Variants in EFHC2 observed in about 807,000 individuals in gnomAD.
EFHC2 encodes the protein EF-hand domain containing 2, also known as EF-hand domain-containing family member C2.
A neutral mutation model predicts 52.7 loss-of-function variants in EFHC2; 18 were observed. The observed-to-expected ratio is 0.34, with a 90% CI of 0.24 to 0.51. The LOEUF is 0.51. Among genes scored for constraint, EFHC2 ranks in the 20% least tolerant of loss-of-function variants. The pLI is 0.97. For synonymous variants in EFHC2, 203 were observed against 204.1 expected (o/e 0.99, Z 0.04); for missense variants, 513 against 562.5 (o/e 0.91, Z 0.89).
intron 11 of EFHC2, among the ~76,000 whole-genome samples, chrX:44,183,675 T>C (rs2036852467): frequency 8.9e-6 from 1 of 112,053 alleles, no homozygotes; most frequent in African/African-American, 3.2e-5. Context: ...GATGGCCACT[T>C]CACTTTGGCT....
In EFHC2 at chrX:44,343,553, G is replaced by A; in HGVS notation, c.36C>T (p.Asn12=). The A allele has an allele frequency of 8.4e-7, 1 of 1,196,290 alleles. No individual in the cohort carries two copies. The highest frequency in any genetic ancestry group is 1.1e-6 in the Non-Finnish European group (1 of 887,821). ...GGACGCCCTTCCTACTCACGTTGCGGTTGAAGCTGTTGCCCGGCAGCAGAG... is the reference window on the plus strand; with the variant it reads ...GGACGCCCTTCCTACTCACGTTGCGATTGAAGCTGTTGCCCGGCAGCAGAG... ...ALPLLPGNSF[N]RNVGKEKFHK... The change falls in exon 1 of 15, where the codon AAC becomes AAT. Residue 12 remains asparagine, a synonymous_variant. Transcript: ENST00000420999.
chrX:44,160,254 T>C (rs773509472), intron 14 of EFHC2, among the ~76,000 whole-genome samples: 92 of 111,306 alleles, frequency 8.3e-4, no homozygotes, highest in Middle Eastern at 4.6e-3. Flanking sequence ...CTAGTGTGGA[T>C]GGTGATCTTT....
chrX:44,301,858 C>A (rs1448998561), intron 2 of EFHC2, among the ~76,000 whole-genome samples: 1 of 111,765 alleles, frequency 8.9e-6, no homozygotes, highest in Non-Finnish European at 1.9e-5. Context: ...CATTAGGTTT[C>A]TTTATTGTTG....
intron 2 of EFHC2, among the ~76,000 whole-genome samples, chrX:44,279,548 T>A (rs773026899): frequency 4.5e-5 from 5 of 111,311 alleles, no homozygotes; most frequent in Non-Finnish European, 7.5e-5. Context: ...ATACAGTGCA[T>A]GACAGAGATG....
intron 11 of EFHC2, among the ~76,000 whole-genome samples, chrX:44,181,773 C>T (rs1048288763): frequency 8.9e-6 from 1 of 112,714 alleles, no homozygotes; most frequent in Non-Finnish European, 1.9e-5. Context: ...CGAGGGATCT[C>T]AATCAGGATG....
At chrX:44,176,429 C>T in intron 12 of EFHC2, 45 bp from the exon 13 acceptor site, 1 of 889,739 alleles carries the variant, frequency 1.1e-6, no homozygotes. Context: ...CCTTGTATAC[C>T]TTTAGTAATA....
chrX:44,274,337 A>C (rs1451573601), intron 2 of EFHC2, among the ~76,000 whole-genome samples: 1 of 112,101 alleles, frequency 8.9e-6, no homozygotes, highest in Non-Finnish European at 1.9e-5. Context: ...GAATGCTGTC[A>C]CATTTGTATT....
intron 10 of EFHC2, among the ~76,000 whole-genome samples, chrX:44,231,834 C>T (rs941777608): frequency 4.5e-5 from 5 of 111,742 alleles, no homozygotes; most frequent in Non-Finnish European, 9.4e-5. Context: ...GTTTGTACAC[C>T]GAACTAGTCC....
At chrX:44,183,276 T>C (rs1244289292) in intron 11 of EFHC2, among the ~76,000 whole-genome samples, 2 of 111,916 alleles carry the variant, frequency 1.8e-5, no homozygotes, top group Non-Finnish European at 3.8e-5. Flanking sequence ...ACTTTCAATT[T>C]GATATTCATC....
At chrX:44,313,232 T>C (rs1169351693) in intron 1 of EFHC2, among the ~76,000 whole-genome samples, 1 of 112,187 alleles carries the variant, frequency 8.9e-6, no homozygotes, top group Admixed American at 9.5e-5. Flanking sequence ...CTCATTAAAG[T>C]AAATGTAACA....
chrX:44,341,156 G>A (rs1471506182), intron 1 of EFHC2, among the ~76,000 whole-genome samples: 5 of 111,910 alleles, frequency 4.5e-5, no homozygotes, highest in Middle Eastern at 4.6e-3. Context: ...AGTCACAAAA[G>A]AATAAACACC....
chrX:44,223,553 A>G (rs1016354829), intron 11 of EFHC2, among the ~76,000 whole-genome samples: 3 of 110,453 alleles, frequency 2.7e-5, no homozygotes, highest in Non-Finnish European at 5.7e-5. Context: ...TTTTAAAACT[A>G]AGCCCTCACC....
intron 2 of EFHC2, among the ~76,000 whole-genome samples, chrX:44,307,414 T>C: frequency 9.0e-6 from 1 of 111,688 alleles, no homozygotes. Flanking sequence ...TAATCTGGAT[T>C]AACTTTAGGT....
At chrX:44,220,847 A>G (rs985430827) in intron 11 of EFHC2, among the ~76,000 whole-genome samples, 1 of 111,909 alleles carries the variant, frequency 8.9e-6, no homozygotes, top group Non-Finnish European at 1.9e-5. Context: ...TCAAATAAAA[A>G]ATTTCTACAA....
At chrX:44,213,444 T>C (rs1221253344) in intron 11 of EFHC2, among the ~76,000 whole-genome samples, 1 of 111,917 alleles carries the variant, frequency 8.9e-6, no homozygotes, top group Non-Finnish European at 1.9e-5. Context: ...AGGCACAGCC[T>C]AGTTTTATAT....
Position 44,295,624 on chromosome X carries a change from C to T in EFHC2, c.231+16944G>A, listed in dbSNP as rs1007344783. ...ATATTGAAGGCAGGGATGCCTTCAA[C>T]GGAGGCTACTCTCCAGGTGAAAGAT... On this transcript the variant is annotated intron_variant, in intron 2 of 14. Transcript: ENST00000420999. 6.3e-5 allele frequency among the ~76,000 whole-genome samples: 7 copies of T among 110,733 alleles called. 1 individual carries two copies. The highest frequency in any genetic ancestry group is 7.8e-4 in the South Asian group (2 of 2,567).
At chrX:44,251,334 C>A (rs2147337398) in intron 4 of EFHC2, among the ~76,000 whole-genome samples, 1 of 103,632 alleles carries the variant, frequency 9.6e-6, no homozygotes, top group Non-Finnish European at 2.0e-5. Context: ...ATACTTCTGG[C>A]CAGGCGGGGT....
chrX:44,322,184 G>A (rs1353384206), intron 1 of EFHC2, among the ~76,000 whole-genome samples: 1 of 110,392 alleles, frequency 9.1e-6, no homozygotes, highest in Non-Finnish European at 1.9e-5. Flanking sequence ...AATCTCACAA[G>A]GTTCATTCTT....
At chrX:44,188,234 T>C (rs898934338) in intron 11 of EFHC2, among the ~76,000 whole-genome samples, 31 of 110,255 alleles carry the variant, frequency 2.8e-4, no homozygotes, top group African/African-American at 9.9e-4. Flanking sequence ...TCTGCCTGCC[T>C]CAGCCTCCCC....
Sources: allele counts gnomAD v4.1 joint callset (sites outside exome capture counted in the v4.1 genomes callset), GRCh38; gene constraint gnomAD v4.1.1; transcripts MANE v1.5; gene names NCBI Gene and HGNC (gene_info 2026-07-23, HGNC 2026-07-21).